The following SLC22A15 variants were observed in gnomAD, a reference collection of about 807,000 sequenced individuals.
SLC22A15 encodes solute carrier family 22 member 15.
In SLC22A15, 45 loss-of-function variants were observed where a neutral mutation model predicts 62.7. The ratio of observed to expected loss-of-function variants is 0.72; its 90% confidence interval spans 0.56 to 0.92. The LOEUF is 0.92. Among genes scored for constraint, SLC22A15 ranks in the 40% least tolerant of loss-of-function variants. SLC22A15 has a pLI of 0.00. For missense variants in SLC22A15, 622 were observed against 665.6 expected (o/e 0.93, Z 0.72); for synonymous variants, 264 against 267.0 (o/e 0.99, Z 0.11).
At chr1:116,055,930 C>G (rs1658195634) in intron 8 of SLC22A15, among the ~76,000 whole-genome samples, 1 of 147,756 alleles carries the variant, frequency 6.8e-6, no homozygotes, top group Non-Finnish European at 1.5e-5. Flanking sequence ...CTATCTATGA[C>G]AAACCCACAG....
intron 2 of SLC22A15, among the ~76,000 whole-genome samples, chr1:115,995,809 T>A (rs1655395988): frequency 6.7e-6 from 1 of 149,960 alleles, no homozygotes. Flanking sequence ...AAGCTGCCTC[T>A]TGTGTCCTTT....
chr1:116,011,348 C>G (rs1656243760), intron 2 of SLC22A15, among the ~76,000 whole-genome samples: 1 of 152,014 alleles, frequency 6.6e-6, no homozygotes, highest in South Asian at 2.1e-4. Flanking sequence ...AAGGAAACCC[C>G]CTCAAATTCT....
At chr1:116,052,161 G>A (rs1460402594) in intron 8 of SLC22A15, among the ~76,000 whole-genome samples, 2 of 152,230 alleles carry the variant, frequency 1.3e-5, no homozygotes, top group Non-Finnish European at 2.9e-5. Flanking sequence ...CAAGGAAAGG[G>A]GTGACAGATG....
intron 2 of SLC22A15, among the ~76,000 whole-genome samples, chr1:116,003,423 C>T: frequency 6.6e-6 from 1 of 152,130 alleles, no homozygotes; most frequent in East Asian, 1.9e-4. Flanking sequence ...GCAGTCTAGG[C>T]CACAAGAACT....
Position 116,049,071 on chromosome 1 carries a change from C to G in SLC22A15, c.1171+11683C>G, listed in dbSNP as rs141308912. On this transcript the variant is annotated intron_variant, in intron 8 of 11. Coordinates refer to ENST00000369503, the MANE Select transcript of SLC22A15 (RefSeq NM_018420.3). ...TATCACAATCCTAAACACATATGCA[C>G]CTAACACTAGAGCTCTCAAATTTAT... is the stretch of plus-strand genomic sequence containing the variant. Among the ~76,000 whole-genome samples, 96 of 152,278 alleles carry G rather than the reference C, an allele frequency of 6.3e-4. 1 individual carries two copies. Among genetic ancestry groups the G allele is most frequent in the African/African-American group, 2.2e-3 (90 of 41,554 alleles).
intron 2 of SLC22A15, among the ~76,000 whole-genome samples, chr1:116,010,062 T>G (rs1656175881): frequency 6.6e-6 from 1 of 152,206 alleles, no homozygotes; most frequent in East Asian, 1.9e-4. Flanking sequence ...TGGTATTTAA[T>G]GCAAAACTCT....
intron 2 of SLC22A15, among the ~76,000 whole-genome samples, chr1:116,006,059 T>G (rs1655964443): frequency 6.6e-6 from 1 of 152,168 alleles, no homozygotes; most frequent in Non-Finnish European, 1.5e-5. Flanking sequence ...CAATCTTGAT[T>G]AGAATGCTTG....
chr1:116,016,041 T>G (rs988981445), intron 2 of SLC22A15, among the ~76,000 whole-genome samples: 2 of 152,098 alleles, frequency 1.3e-5, no homozygotes, highest in African/African-American at 4.8e-5. Flanking sequence ...CTGGAGCTCT[T>G]TTAATCTCTT....
intron 5 of SLC22A15, 102 bp downstream of exon 5, chr1:116,027,124 C>T: frequency 8.7e-7 from 1 of 1,146,158 alleles, no homozygotes; most frequent in Non-Finnish European, 1.3e-6. Flanking sequence ...AGGAGCTTGC[C>T]TGCACTGACT....
chr1:116,055,007 G>C (rs1018424586), intron 8 of SLC22A15, among the ~76,000 whole-genome samples: 2 of 151,780 alleles, frequency 1.3e-5, no homozygotes, highest in African/African-American at 4.9e-5. Context: ...AGAAAAGAAA[G>C]AGCAAACACA....
At chr1:116,011,813 G>A (rs1158492287) in intron 2 of SLC22A15, among the ~76,000 whole-genome samples, 2 of 152,138 alleles carry the variant, frequency 1.3e-5, no homozygotes, top group African/African-American at 4.8e-5. Flanking sequence ...GGAGAGGAGG[G>A]CACAGTGCAT....
Position 116,037,394 on chromosome 1 carries a change from C to T in SLC22A15, c.1171+6C>T. 2 of 1,605,210 alleles carry T rather than the reference C, an allele frequency of 1.2e-6. No individual in the cohort carries two copies. The highest frequency in any genetic ancestry group is 2.2e-5 in the South Asian group (2 of 90,874). On this transcript the variant is annotated splice_donor_region_variant and intron_variant, in intron 8 of 11. Coordinates refer to ENST00000369503, the MANE Select transcript of SLC22A15 (RefSeq NM_018420.3). ...GTTTCTTCCAGAAAAGAAAGGTATGCCTTTCAAATTTCTACAAGGGTTTTG... is the reference window on the plus strand; with the variant it reads ...GTTTCTTCCAGAAAAGAAAGGTATGTCTTTCAAATTTCTACAAGGGTTTTG...
intron 7 of SLC22A15, among the ~76,000 whole-genome samples, chr1:116,035,740 G>A (rs1163621022): frequency 2.6e-5 from 4 of 152,304 alleles, no homozygotes; most frequent in Admixed American, 2.6e-4. Context: ...GAAGGAACTA[G>A]AAAGACTTTT....
chr1:116,067,940 A>G lies in SLC22A15; in HGVS notation c.*832A>G, dbSNP rs1658535775. 6.6e-6 allele frequency: 1 copy of G among 152,214 alleles called. No homozygotes were observed. Among genetic ancestry groups the G allele is most frequent in the Non-Finnish European group, 1.5e-5 (1 of 68,030 alleles). The allele number at this position is 152,214 out of a possible 1,614,324, so 9.4% of individuals were successfully genotyped here. Reference sequence around the variant, plus strand: ...CATAGTAAATGAGAAAGCTTTAAGTAGAGGGCAGTTAAACAGTGACATGTT... The same window carrying G: ...CATAGTAAATGAGAAAGCTTTAAGTGGAGGGCAGTTAAACAGTGACATGTT... On this transcript the variant is annotated 3_prime_UTR_variant, in exon 12 of 12. Coordinates refer to ENST00000369503, the MANE Select transcript of SLC22A15 (RefSeq NM_018420.3).
At chr1:116,000,625 C>CTTTTTTTTTTTTTTTT (rs56303802) in intron 2 of SLC22A15, among the ~76,000 whole-genome samples, 1 of 88,214 alleles carries the variant, frequency 1.1e-5, no homozygotes, top group African/African-American at 4.2e-5. Context: ...CTTTTTTTTC[C>CTTTTTTTTTTTTTTTT]TTTTTTTTTT....
intron 2 of SLC22A15, among the ~76,000 whole-genome samples, chr1:116,002,498 G>A (rs556490813): frequency 6.6e-6 from 1 of 152,200 alleles, no homozygotes; most frequent in South Asian, 2.1e-4. Flanking sequence ...CCTGAGATCA[G>A]GGGCTTTAAA....
chr1:116,047,695 C>A (rs567507707), intron 8 of SLC22A15, among the ~76,000 whole-genome samples: 2 of 152,140 alleles, frequency 1.3e-5, no homozygotes, highest in Non-Finnish European at 2.9e-5. Context: ...AGTACTACAT[C>A]AAAGGAATAC....
chr1:116,048,266 C>G (rs914569759), intron 8 of SLC22A15, among the ~76,000 whole-genome samples: 1 of 152,142 alleles, frequency 6.6e-6, no homozygotes, highest in Non-Finnish European at 1.5e-5. Flanking sequence ...AGATCATCAC[C>G]TAGGCCCATT....
At chr1:116,000,633 T>C (rs1367070843) in intron 2 of SLC22A15, among the ~76,000 whole-genome samples, 1 of 36,328 alleles carries the variant, frequency 2.8e-5, no homozygotes, top group Non-Finnish European at 1.2e-4. Context: ...TCCTTTTTTT[T>C]TTTTTTTTTT....
Sources: allele counts gnomAD v4.1 joint callset (sites outside exome capture counted in the v4.1 genomes callset), GRCh38; gene constraint gnomAD v4.1.1; transcripts MANE v1.5; gene names NCBI Gene and HGNC (gene_info 2026-07-23, HGNC 2026-07-21).